FREM1: variants seen among roughly 807,000 people sequenced by gnomAD.
The protein encoded by FREM1 is FRAS1 related extracellular matrix 1.
Under a neutral mutation model 210.1 loss-of-function variants are expected in FREM1, and 220 were observed. The ratio of observed to expected loss-of-function variants is 1.05; its 90% CI spans 0.94 to 1.17. The LOEUF (loss-of-function observed/expected upper bound fraction) is 1.17. Among genes scored for constraint, FREM1 ranks in the 50% most tolerant of loss-of-function variants. FREM1 has a pLI of 0.00. For synonymous variants in FREM1, 1,189 were observed against 980.2 expected, an observed-to-expected ratio of 1.21 and a Z score of -3.98; for missense variants, 3,454 against 2,675.5, an observed-to-expected ratio of 1.29 and a Z score of -6.42.
rs1057101093 is a variant in FREM1, at chr9:14,857,459, T to A, written c.828+94A>T. On this transcript the variant is annotated intron_variant, in intron 5 of 36. Transcript: ENST00000380880. Reference sequence around the variant, plus strand: ...GTTTTACCCCCAAAAGCACAGGAACTCTCCCTGGCATGGGGGCGAGCATGA... The same window carrying A: ...GTTTTACCCCCAAAAGCACAGGAACACTCCCTGGCATGGGGGCGAGCATGA... 13 of 1,079,928 alleles carry A rather than the reference T, an allele frequency of 1.2e-5. No individual in the cohort carries two copies. The African/African-American group carries it at 1.9e-4, about 15-fold the overall frequency. The allele number at this position is 1,079,928 out of a possible 1,614,324, so 66.9% of individuals were successfully genotyped here.
In FREM1 at chr9:14,882,290, G is replaced by C. The variant is rs116594142; in HGVS notation, c.-267-13046C>G. On this transcript the variant is annotated intron_variant, in intron 1 of 36. Transcript: ENST00000380880. ...TATATCATAGTAAACCCTTAACTGA[G>C]AGATAAGGTCAAAGTCCAAGATCCT... 9.9e-5 allele frequency among the ~76,000 whole-genome samples: 15 copies of C among 152,122 alleles called. No homozygotes were observed. The South Asian group carries it at 3.1e-3, about 32-fold the overall frequency.
chr9:14,860,628 CAT>C (rs1382523468), intron 3 of FREM1, among the ~76,000 whole-genome samples: 4 of 136,374 alleles, frequency 2.9e-5, no homozygotes, highest in Admixed American at 2.3e-4. Flanking sequence ...TATATATACA[CAT>C]ATATACACAT....
chr9:14,819,197 A>C, intron 14 of FREM1, 37 bp downstream of exon 14: 2 of 1,449,198 alleles, frequency 1.4e-6, no homozygotes, highest in Non-Finnish European at 9.5e-7. Flanking sequence ...ATAAGAAACT[A>C]AAGCATGTAA....
chr9:14,819,362 A>G lies in FREM1; in HGVS notation c.2418T>C (p.Asp806=). The stretch of plus-strand genomic sequence containing the variant: ...AGAGGTCAATATTGTCCAGCTTGGT[A>G]TCTGCATCAGAAATTAGAATGTGCT... ...STEHILISDA[D]TKLDNIDLSL... Residue 806 remains aspartate, a synonymous_variant, in exon 14 of 37, where the codon GAT becomes GAC. Transcript: ENST00000380880. 1 of 1,613,660 alleles carries G rather than the reference A, an allele frequency of 6.2e-7. No homozygotes were observed. The highest frequency in any genetic ancestry group is 1.1e-5 in the South Asian group (1 of 91,058).
rs955404241 is a variant in FREM1 at position 14,906,246 on chromosome 9, T to C, written c.-268+3668A>G. Among the ~76,000 whole-genome samples the C allele has an allele frequency of 1.2e-4, 18 of 152,148 alleles. No homozygotes were observed. The East Asian group carries it at 2.5e-3, about 21-fold the overall frequency. On this transcript the variant is annotated intron_variant, in intron 1 of 36. Transcript: ENST00000380880. ...GCCAACATTACAGAGCCAAAGAACA[T>C]TGTAGCCTATGATTAGAACCCAGGT...
intron 23 of FREM1, 75 bp downstream of exon 23, chr9:14,788,844 G>C (rs1347950051): frequency 1.8e-6 from 2 of 1,125,024 alleles, no homozygotes; most frequent in African/African-American, 1.6e-5. Flanking sequence ...GAAAGAGAGA[G>C]AAAGAAACGA....
At position 14,824,939 on chromosome 9, in the gene FREM1, AG is replaced by A. The variant is rs1216146535; in HGVS notation, c.1934del (p.Pro645LeufsTer17). 1.2e-6 allele frequency: 2 copies of A among 1,607,592 alleles called. No homozygotes were observed. Among genetic ancestry groups the A allele is most frequent in the African/African-American group, 2.7e-5 (2 of 74,418 alleles). On this transcript the variant is annotated frameshift_variant, in exon 11 of 37. Transcript: ENST00000380880. LOFTEE classifies it high-confidence loss of function. ...TGACAACCAAATGCCGAGAAACTCC[AG>A]GAGCCTCTTTTGGAAGCTGGTCATC... ...PVDDQLPKEA[P>X]GVSRHLVVKE...
intron 1 of FREM1, among the ~76,000 whole-genome samples, chr9:14,898,781 T>TGAA (rs2132545352): frequency 6.6e-6 from 1 of 151,988 alleles, no homozygotes; most frequent in African/African-American, 2.4e-5. Flanking sequence ...ACACAAAGAG[T>TGAA]GAACCCTATT....
chr9:14,841,174 G>T (rs1005411514), intron 10 of FREM1, among the ~76,000 whole-genome samples: 4 of 152,090 alleles, frequency 2.6e-5, no homozygotes, highest in African/African-American at 9.7e-5. Flanking sequence ...CTTGAGTGTC[G>T]GGAGACAAGC....
chr9:14,766,818 C>A (rs1846503049), intron 27 of FREM1, among the ~76,000 whole-genome samples: 1 of 152,140 alleles, frequency 6.6e-6, no homozygotes, highest in Admixed American at 6.6e-5. Context: ...CACAAAGTTC[C>A]ACAGCGTTTA....
At position 14,813,014 on chromosome 9, in the gene FREM1, A is replaced by G; in HGVS notation, c.2691T>C (p.Pro897=). Residue 897 remains proline (P), a synonymous_variant, in exon 16 of 37, where the codon CCT becomes CCC. Transcript: ENST00000380880. ...EPPVLKADLM[P]VMNCSEGGEV... ...CTCCTCCCTCTGAGCAATTCATGAC[A>G]GGCATGAGGTCAGCCTTTAAGACTG... 1 of 1,613,902 alleles carries G rather than the reference A, an allele frequency of 6.2e-7. No individual in the cohort carries two copies. Among genetic ancestry groups the G allele is most frequent in the Non-Finnish European group, 8.5e-7 (1 of 1,179,802 alleles).
chr9:14,885,559 C>T (rs1835662282), intron 1 of FREM1, among the ~76,000 whole-genome samples: 1 of 152,090 alleles, frequency 6.6e-6, no homozygotes, highest in African/African-American at 2.4e-5. Context: ...CCTGGGACTA[C>T]AGGCATGCAC....
intron 29 of FREM1, among the ~76,000 whole-genome samples, chr9:14,754,669 C>G (rs1369339770): frequency 6.6e-6 from 1 of 152,136 alleles, no homozygotes; most frequent in Non-Finnish European, 1.5e-5. Flanking sequence ...CACAGTGACT[C>G]ATGCCTGTAA....
chr9:14,740,376 C>T (rs1008380199), intron 35 of FREM1, 142 bp from the exon 36 acceptor site: 6 of 610,422 alleles, frequency 9.8e-6, no homozygotes, highest in Non-Finnish European at 1.7e-5. Context: ...TTTAATAGTG[C>T]AGTTTTATTT....
intron 8 of FREM1, among the ~76,000 whole-genome samples, chr9:14,843,600 T>C (rs886458299): frequency 3.4e-4 from 52 of 152,188 alleles, no homozygotes; most frequent in Non-Finnish European, 1.5e-5. Context: ...ATACAAATAC[T>C]TACCTCATAA....
At chr9:14,861,266 TACAC>T (rs1490254328) in intron 3 of FREM1, among the ~76,000 whole-genome samples, 11 of 91,598 alleles carry the variant, frequency 1.2e-4, no homozygotes, top group African/African-American at 6.1e-4. Flanking sequence ...TATACACATA[TACAC>T]ATATATACAT....
chr9:14,837,392 C>T (rs535114985), intron 10 of FREM1, among the ~76,000 whole-genome samples: 66 of 152,186 alleles, frequency 4.3e-4, no homozygotes, highest in Admixed American at 9.8e-4. Flanking sequence ...TCTGTCTTCT[C>T]CCTTCCTTCT....
At chr9:14,898,524 T>C (rs10961781) in intron 1 of FREM1, among the ~76,000 whole-genome samples, 19,427 of 152,154 alleles carry the variant, frequency 0.13, 1,656 homozygotes, top group East Asian at 0.33. Flanking sequence ...GGCAGATCAC[T>C]TGAGGTCAGG....
intron 1 of FREM1, among the ~76,000 whole-genome samples, chr9:14,877,566 G>A (rs1833999717): frequency 6.6e-6 from 1 of 151,984 alleles, no homozygotes; most frequent in Non-Finnish European, 1.5e-5. Flanking sequence ...ATTGAACAAA[G>A]GTGATGGGTG....
Sources: gnomAD v4.1 joint callset for allele counts (sites outside exome capture counted in the v4.1 genomes callset) on GRCh38, gnomAD v4.1.1 for gene constraint, MANE v1.5 for transcripts, NCBI Gene and HGNC (gene_info 2026-07-23, HGNC 2026-07-21) for gene names.